FYCO1: variants seen among roughly 807,000 people sequenced by gnomAD.
FYCO1 encodes the protein FYVE and coiled-coil domain-containing protein 1.
In FYCO1, 122 loss-of-function variants were observed where a neutral mutation model predicts 165.1. The ratio of observed to expected loss-of-function variants is 0.74; its 90% CI spans 0.64 to 0.86. FYCO1 has a LOEUF of 0.86. Among genes scored for constraint, FYCO1 ranks in the 40% least tolerant of loss-of-function variants. FYCO1 has a pLI of 0.00. For synonymous variants in FYCO1, 648 were observed against 742.5 expected (o/e 0.87, Z 2.07); for missense variants, 1,702 against 1,810.3 (o/e 0.94, Z 1.09).
At chr3:45,944,158 C>T (rs1704429920) in intron 14 of FYCO1, among the ~76,000 whole-genome samples, 1 of 151,464 alleles carries the variant, frequency 6.6e-6, no homozygotes, top group South Asian at 2.1e-4. Flanking sequence ...TCATGGACTC[C>T]CAGAATTGTA....
chr3:45,939,163 G>T (rs995162825), intron 14 of FYCO1, among the ~76,000 whole-genome samples: 1 of 152,174 alleles, frequency 6.6e-6, no homozygotes, highest in Non-Finnish European at 1.5e-5. Context: ...AATATCTCTT[G>T]AGCACATGTT....
intron 14 of FYCO1, chr3:45,946,322 G>T (rs1036812936): frequency 6.4e-6 from 4 of 628,434 alleles, no homozygotes; most frequent in Non-Finnish European, 1.1e-5. Flanking sequence ...CAATATACTG[G>T]ACTGTGCTGT....
chr3:45,979,798 G>A lies in FYCO1; in HGVS notation c.195C>T (p.Gly65=), dbSNP rs1559466244. The A allele has an allele frequency of 6.2e-6, 10 of 1,614,016 alleles. No homozygotes were observed. The highest frequency in any genetic ancestry group is 7.6e-6 in the Non-Finnish European group (9 of 1,179,928). ...AGTAATCCCAGTAGTCCTTCTTGTT[G>A]CCCAGGAGGGTGGCCTTCTCTTTCT... ...FDQKEKATLL[G]NKKDYWDYFC... Residue 65 remains glycine (G), a synonymous_variant, in exon 4 of 18, where the codon GGC becomes GGT. Transcript: ENST00000296137.
At chr3:45,937,581 G>A (rs765132648) in intron 14 of FYCO1, among the ~76,000 whole-genome samples, 9 of 152,240 alleles carry the variant, frequency 5.9e-5, no homozygotes, top group African/African-American at 9.6e-5. Flanking sequence ...TGAAAAGGCT[G>A]TAAGTTTTAA....
At chr3:45,947,237 C>T (rs745678341) in intron 14 of FYCO1, 17 of 1,614,188 alleles carry the variant, frequency 1.1e-5, no homozygotes, top group Non-Finnish European at 1.4e-5. Flanking sequence ...TCATGAAGTT[C>T]ATCCGCAGCA....
chr3:45,994,510 T>C (rs983792474), intron 1 of FYCO1, among the ~76,000 whole-genome samples: 2 of 152,050 alleles, frequency 1.3e-5, no homozygotes, highest in East Asian at 1.9e-4. Context: ...GCACAACTAG[T>C]ATGGGGCATT....
At chr3:45,949,204 T>C (rs1408440925) in intron 14 of FYCO1, among the ~76,000 whole-genome samples, 4 of 152,224 alleles carry the variant, frequency 2.6e-5, no homozygotes, top group African/African-American at 9.6e-5. Flanking sequence ...CAAGCAGAGT[T>C]TTACTGTACT....
intron 14 of FYCO1, among the ~76,000 whole-genome samples, chr3:45,949,590 C>T (rs1704867904): frequency 1.3e-5 from 2 of 152,208 alleles, no homozygotes; most frequent in Non-Finnish European, 2.9e-5. Flanking sequence ...TGACCCAAGC[C>T]CTGGTTCACC....
At chr3:45,970,501 C>T (rs1706360736) in intron 6 of FYCO1, among the ~76,000 whole-genome samples, 1 of 152,214 alleles carries the variant, frequency 6.6e-6, no homozygotes, top group Non-Finnish European at 1.5e-5. Flanking sequence ...GGAAACCAAA[C>T]AAACTCTACA....
intron 16 of FYCO1, among the ~76,000 whole-genome samples, chr3:45,924,685 T>C (rs977481123): frequency 3.9e-5 from 6 of 152,078 alleles, no homozygotes; most frequent in Admixed American, 2.0e-4. Context: ...TGATCTTGGC[T>C]CACTGCAATC....
At chr3:45,963,416 C>T (rs966830630) in intron 10 of FYCO1, among the ~76,000 whole-genome samples, 4 of 152,126 alleles carry the variant, frequency 2.6e-5, no homozygotes, top group African/African-American at 9.7e-5. Context: ...CAGCCAGTGC[C>T]CTGTAGGATC....
At chr3:45,984,268 T>A (rs1707207023) in intron 2 of FYCO1, among the ~76,000 whole-genome samples, 1 of 152,208 alleles carries the variant, frequency 6.6e-6, no homozygotes, top group Non-Finnish European at 1.5e-5. Flanking sequence ...TCTATGAAAC[T>A]TTATCTGCAC....
At chr3:45,963,288 C>T (rs1431392713) in intron 10 of FYCO1, among the ~76,000 whole-genome samples, 1 of 152,104 alleles carries the variant, frequency 6.6e-6, no homozygotes, top group Non-Finnish European at 1.5e-5. Flanking sequence ...GACTGTACAG[C>T]TTTGAGCAAC....
chr3:45,968,518 C>A lies in FYCO1; in HGVS notation c.816G>T (p.Glu272Asp). Residue 272 changes from glutamate (E) to aspartate (D), a missense_variant, in exon 8 of 18, where the codon GAG becomes GAT. Transcript: ENST00000296137. ...CCCTCTCCCTCTCTGTCTGCAGTTG[C>A]TCCCCTTGCTGGCTGACAGCTGCCC... is the stretch of plus-strand genomic sequence containing the variant. ...ELRAAVSQQG[E>D]QLQTERERGR... is the part of the protein sequence containing the mutation. The A allele has an allele frequency of 6.2e-7, 1 of 1,614,028 alleles. No homozygotes were observed. Among genetic ancestry groups the A allele is most frequent in the Admixed American group, 1.7e-5 (1 of 60,030 alleles).
In FYCO1 at chr3:45,973,219, A is replaced by G. The variant is rs755203641; in HGVS notation, c.408T>C (p.Tyr136=). Residue 136 remains tyrosine (Y), a synonymous_variant, in exon 6 of 18, where the codon TAT becomes TAC. Coordinates refer to ENST00000296137, the MANE Select transcript of FYCO1 (RefSeq NM_024513.4). ...MNTKVTSDWY[Y]ARSPFLQPKL... is the part of the protein sequence containing the mutation. ...TTGGCTGCAGAAAGGGGCTTCTTGC[A>G]TAGTACCAGTCACTGCAGAAAAACA... The G allele has an allele frequency of 3.7e-6, 6 of 1,614,058 alleles. No individual in the cohort carries two copies. Among genetic ancestry groups the G allele is most frequent in the Non-Finnish European group, 5.1e-6 (6 of 1,180,018 alleles).
chr3:45,950,680 G>A (rs567338626), intron 14 of FYCO1, among the ~76,000 whole-genome samples: 7 of 152,286 alleles, frequency 4.6e-5, no homozygotes, highest in Admixed American at 3.3e-4. Flanking sequence ...ATTTTCAGAT[G>A]AGAAAACTAG....
chr3:45,979,541 T>G (rs1470215693), intron 4 of FYCO1, among the ~76,000 whole-genome samples, 164 bp downstream of exon 4: 1 of 152,230 alleles, frequency 6.6e-6, no homozygotes, highest in Admixed American at 6.5e-5. Context: ...TCCCCAACCT[T>G]GAGCCACTGC....
chr3:45,979,269 T>A (rs905338813), intron 4 of FYCO1, among the ~76,000 whole-genome samples: 16 of 152,214 alleles, frequency 1.1e-4, no homozygotes, highest in Non-Finnish European at 2.1e-4. Flanking sequence ...TCTCTTGAGA[T>A]CCCACATCAT....
At position 45,959,479 on chromosome 3, in the gene FYCO1, CT is replaced by C; in HGVS notation, c.3500del (p.Glu1167GlyfsTer46). The C allele has an allele frequency of 1.2e-6, 2 of 1,614,160 alleles. No homozygotes were observed. The highest frequency in any genetic ancestry group is 1.7e-6 in the Non-Finnish European group (2 of 1,180,038). On this transcript the variant is annotated frameshift_variant, in exon 12 of 18. Transcript: ENST00000296137. LOFTEE classifies it high-confidence loss of function. The stretch of plus-strand genomic sequence containing the variant: ...CCTCTGTGTCTCCGAGCCATCTCTC[CT>C]CAGCACTGAGCTTCTGCTGGAATTC... ...ALEFQQKLSA[E>X]ERWLGDTEAN...
Sources: allele counts gnomAD v4.1 joint callset (sites outside exome capture counted in the v4.1 genomes callset), GRCh38; gene constraint gnomAD v4.1.1; transcripts MANE v1.5; gene names NCBI Gene and HGNC (gene_info 2026-07-23, HGNC 2026-07-21).